ZNF560: variants seen among roughly 807,000 people sequenced by gnomAD.
ZNF560 encodes zinc finger protein 560.
In ZNF560, 54 loss-of-function variants were observed where a neutral mutation model predicts 81.8. That is an observed-to-expected ratio of 0.66 (90% CI 0.53 to 0.83). ZNF560 has a LOEUF of 0.83. ZNF560 is among the 40% of genes least tolerant of loss of function. The probability of loss-of-function intolerance (pLI) is 0.00; values close to 1 mark genes in which losing one functional copy is unlikely to be tolerated. For missense variants in ZNF560, 940 were observed against 932.4 expected (o/e 1.01, Z -0.11); for synonymous variants, 321 against 317.9 (o/e 1.01, Z -0.10).
chr19:9,485,217 G>A (rs2073366223), intron 2 of ZNF560, among the ~76,000 whole-genome samples: 1 of 152,132 alleles, frequency 6.6e-6, no homozygotes, highest in African/African-American at 2.4e-5. Flanking sequence ...GAAGAAGGAT[G>A]CTACAAAGAG....
In ZNF560 at chr19:9,468,327, T is replaced by C; in HGVS notation, c.620A>G (p.Asn207Ser). 1 of 1,587,564 alleles carries C rather than the reference T, an allele frequency of 6.3e-7. No homozygotes were observed. The highest frequency in any genetic ancestry group is 1.4e-5 in the African/African-American group (1 of 73,768). The change falls in exon 10 of 10, where the codon AAC becomes AGC. Residue 207 changes from asparagine to serine, a missense_variant. Coordinates refer to ENST00000301480, the MANE Select transcript of ZNF560 (RefSeq NM_152476.3). Reference protein sequence around the residue: ...KTLNGIQLARNQNGEELYDCK... With the variant: ...KTLNGIQLARSQNGEELYDCK... ...GTCATAGAGTTCCTCTCCATTTTGG[T>C]TTCTTGCCTGTTAACACAGGAATGA...
chr19:9,486,960 T>C (rs1265821378), intron 2 of ZNF560, among the ~76,000 whole-genome samples: 1 of 152,194 alleles, frequency 6.6e-6, no homozygotes, highest in Non-Finnish European at 1.5e-5. Flanking sequence ...CTTATGCCCC[T>C]TCCTTATTTG....
the ZNF560 span, among the ~76,000 whole-genome samples, chr19:9,446,885 T>TG: frequency 6.6e-6 from 1 of 152,042 alleles, no homozygotes; most frequent in East Asian, 1.9e-4. Flanking sequence ...GGCTCACACT[T>TG]GCACTTTGGG....
At chr19:9,454,271 A>G in the ZNF560 span, among the ~76,000 whole-genome samples, 2 of 152,236 alleles carry the variant, frequency 1.3e-5, no homozygotes, top group Admixed American at 6.5e-5. Context: ...TCTGTTTGAG[A>G]CCGTCAGCTC....
In ZNF560 at chr19:9,467,374, A is replaced by C; in HGVS notation, c.1573T>G (p.Phe525Val). The change falls in exon 10 of 10, where the codon TTT (phenylalanine) becomes GTT (valine). Residue 525 changes from phenylalanine (F) to valine (V), a missense_variant. Physicochemically the swap from Phe to Val is conservative, Grantham distance 50 (BLOSUM62 -1). Coordinates refer to ENST00000301480, the MANE Select transcript of ZNF560 (RefSeq NM_152476.3). Reference protein sequence around the residue: ...PFKCYKCGKPFTSSACLRIHM... With the variant: ...PFKCYKCGKPVTSSACLRIHM... ...ATACGAAGACAGGCAGAAGAGGTAA[A>C]TGGTTTCCCACATTTGTAACACTTA... 6.8e-6 allele frequency: 11 copies of C among 1,614,128 alleles called. No individual in the cohort carries two copies. The highest frequency in any genetic ancestry group is 9.3e-6 in the Non-Finnish European group (11 of 1,180,022).
the ZNF560 span, among the ~76,000 whole-genome samples, chr19:9,506,418 T>A: frequency 2.7e-5 from 4 of 149,926 alleles, no homozygotes; most frequent in Non-Finnish European, 5.9e-5. Context: ...TCTGTTGTTT[T>A]TTTTTTTTTT....
chr19:9,466,562 C>T lies in ZNF560; in HGVS notation c.*12G>A, dbSNP rs1202261774. On this transcript the variant is annotated 3_prime_UTR_variant, in exon 10 of 10. Transcript: ENST00000301480. ...GGTTTTTCCACATTCTTCACATCCACAGGGCTTCTCTCTAGTGTGTTTTCA... is the reference window on the plus strand; with the variant it reads ...GGTTTTTCCACATTCTTCACATCCATAGGGCTTCTCTCTAGTGTGTTTTCA... 1 of 1,561,486 alleles carries T rather than the reference C, an allele frequency of 6.4e-7. No homozygotes were observed. Among genetic ancestry groups the T allele is most frequent in the Non-Finnish European group, 8.7e-7 (1 of 1,154,696 alleles).
intron 2 of ZNF560, among the ~76,000 whole-genome samples, chr19:9,477,293 A>G (rs2073217448): frequency 6.6e-6 from 1 of 152,098 alleles, no homozygotes; most frequent in Non-Finnish European, 1.5e-5. Flanking sequence ...AGAAAACACA[A>G]ATGACTCTTC....
intron 2 of ZNF560, among the ~76,000 whole-genome samples, chr19:9,488,367 G>A (rs918754990): frequency 2.8e-4 from 42 of 152,058 alleles, no homozygotes; most frequent in Middle Eastern, 3.2e-3. Context: ...ATAATAAAGA[G>A]ACTAACACAA....
the ZNF560 span, among the ~76,000 whole-genome samples, chr19:9,447,781 G>A: frequency 9.2e-5 from 14 of 152,112 alleles, no homozygotes; most frequent in South Asian, 6.2e-4. Context: ...AAGCAACCTG[G>A]AAACCATACT....
In ZNF560 at chr19:9,467,032, C is replaced by A; in HGVS notation, c.1915G>T (p.Val639Phe). Residue 639 changes from valine to phenylalanine, a missense_variant, in exon 10 of 10, where the codon GTC (valine) becomes TTC (phenylalanine). Physicochemically the swap from Val to Phe is conservative, Grantham distance 50 (BLOSUM62 -1). Transcript: ENST00000301480. ...EYKDCGKAFV[V>F]SSSLVDHLRT... ...AAATGATCAACTAGACTGGAGGAGA[C>A]AACAAAGGCTTTCCCACAGTCCTTA... 6.2e-7 allele frequency: 1 copy of A among 1,612,188 alleles called. No homozygotes were observed. Among genetic ancestry groups the A allele is most frequent in the Non-Finnish European group, 8.5e-7 (1 of 1,179,458 alleles).
chr19:9,458,005 A>G, the ZNF560 span, among the ~76,000 whole-genome samples: 1 of 152,178 alleles, frequency 6.6e-6, no homozygotes, highest in Non-Finnish European at 1.5e-5. Flanking sequence ...TACTGGTGTT[A>G]TTGTTCAAGA....
At chr19:9,474,665 C>CT (rs376066256) in intron 3 of ZNF560, among the ~76,000 whole-genome samples, 5 of 150,352 alleles carry the variant, frequency 3.3e-5, no homozygotes, top group South Asian at 2.1e-4. Flanking sequence ...AATGATTAGC[C>CT]TTTTTTTTTG....
chr19:9,502,099 A>G (rs2073637642), upstream of ZNF560, among the ~76,000 whole-genome samples: 1 of 151,836 alleles, frequency 6.6e-6, no homozygotes, highest in African/African-American at 2.4e-5. Context: ...GGTTGCAGTG[A>G]GCTGAAATCA....
downstream of ZNF560, among the ~76,000 whole-genome samples, chr19:9,463,475 G>C (rs891940641): frequency 6.6e-6 from 1 of 152,120 alleles, no homozygotes; most frequent in South Asian, 2.1e-4. Context: ...GAGACAATCA[G>C]GATGGCATCT....
chr19:9,449,926 G>T, the ZNF560 span, among the ~76,000 whole-genome samples: 3 of 127,190 alleles, frequency 2.4e-5, no homozygotes, highest in African/African-American at 6.3e-5. Flanking sequence ...CCAAGATTGC[G>T]CCATTGCACT....
At chr19:9,451,059 G>A in the ZNF560 span, among the ~76,000 whole-genome samples, 6 of 152,022 alleles carry the variant, frequency 3.9e-5, no homozygotes, top group African/African-American at 1.5e-4. Context: ...AAAGCAATCT[G>A]CAGATTCAAC....
chr19:9,446,365 TACACACAC>T, the ZNF560 span, among the ~76,000 whole-genome samples: 23 of 145,256 alleles, frequency 1.6e-4, no homozygotes, highest in African/African-American at 4.3e-4. Flanking sequence ...TGCCAAGTCA[TACACACAC>T]ACACACACAC....
chr19:9,492,165 G>C (rs1439736178), intron 2 of ZNF560, among the ~76,000 whole-genome samples: 2 of 151,838 alleles, frequency 1.3e-5, no homozygotes, highest in African/African-American at 4.8e-5. Context: ...GGTTTTCGTA[G>C]GGGGGTTGAT....
Sources: gnomAD v4.1 joint callset for allele counts (sites outside exome capture counted in the v4.1 genomes callset) on GRCh38, gnomAD v4.1.1 for gene constraint, MANE v1.5 for transcripts, NCBI Gene and HGNC (gene_info 2026-07-23, HGNC 2026-07-21) for gene names.